ARSG: variants seen among roughly 807,000 people sequenced by gnomAD.
ARSG encodes ASG.
Under a neutral mutation model 50.5 loss-of-function variants are expected in ARSG, and 37 were observed. The ratio of observed to expected loss-of-function variants is 0.73; its 90% CI spans 0.56 to 0.96. ARSG has a LOEUF of 0.96. Ranked by LOEUF, ARSG falls within the 50% of genes least tolerant of loss-of-function variation. The pLI is 0.00. For missense variants in ARSG, 629 were observed against 675.3 expected, an observed-to-expected ratio of 0.93 and a Z score of 0.76; for synonymous variants, 225 against 254.6, an observed-to-expected ratio of 0.88 and a Z score of 1.11.
chr17:68,441,518 C>T, the ARSG span, among the ~76,000 whole-genome samples: 3 of 152,176 alleles, frequency 2.0e-5, no homozygotes, highest in African/African-American at 7.2e-5. Context: ...AGGATGAGAA[C>T]AGATAAGGCG....
At chr17:68,302,603 G>C (rs2076460341) in intron 1 of ARSG, among the ~76,000 whole-genome samples, 2 of 152,036 alleles carry the variant, frequency 1.3e-5, no homozygotes, top group Non-Finnish European at 2.9e-5. Context: ...TGGGTCATTT[G>C]GCTGTTTATC....
intron 6 of ARSG, 90 bp from the exon 7 acceptor site, chr17:68,368,458 G>A (rs1397315916): frequency 2.4e-6 from 3 of 1,247,572 alleles, no homozygotes; most frequent in Admixed American, 2.0e-5. Context: ...GAGCTTTGGG[G>A]ATTTTCCTGG....
the ARSG span, chr17:68,436,295 C>T: frequency 1.6e-5 from 20 of 1,250,058 alleles, no homozygotes; most frequent in Admixed American, 6.9e-5. Context: ...CTCCAGCCCC[C>T]GACGGCAGGG....
chr17:68,374,751 C>T (rs2080060107), intron 8 of ARSG, among the ~76,000 whole-genome samples: 1 of 150,660 alleles, frequency 6.6e-6, no homozygotes, highest in Non-Finnish European at 1.5e-5. Context: ...ACTCGGGAGG[C>T]TGAGGCAGGA....
At chr17:68,438,454 G>A in the ARSG span, among the ~76,000 whole-genome samples, 1 of 152,210 alleles carries the variant, frequency 6.6e-6, no homozygotes, top group Non-Finnish European at 1.5e-5. Context: ...CAGGAGATCT[G>A]GTTGTCTTGT....
At chr17:68,298,420 C>A (rs565416421) in intron 1 of ARSG, among the ~76,000 whole-genome samples, 1 of 151,732 alleles carries the variant, frequency 6.6e-6, no homozygotes, top group Admixed American at 6.6e-5. Flanking sequence ...TCTGGTGAAA[C>A]CCTGTCTCTA....
intron 2 of ARSG, among the ~76,000 whole-genome samples, chr17:68,312,525 T>C (rs1599673025): frequency 6.6e-6 from 1 of 152,070 alleles, no homozygotes; most frequent in African/African-American, 2.4e-5. Context: ...TTTTTTCTCA[T>C]GTGCTGTCTC....
intron 8 of ARSG, among the ~76,000 whole-genome samples, chr17:68,384,562 C>T (rs1363270386): frequency 2.0e-5 from 3 of 152,128 alleles, no homozygotes; most frequent in African/African-American, 4.8e-5. Context: ...CATGCCAGAT[C>T]GGTTCTTGGA....
At chr17:68,426,425 GTCTCAGTATGT>G (rs1423369677), downstream of ARSG, among the ~76,000 whole-genome samples, 22 of 152,178 alleles carry the variant, frequency 1.4e-4, no homozygotes, top group Admixed American at 4.6e-4. Context: ...TTGAGGTAGG[GTCTCAGTATGT>G]TGCCCAGGCT....
chr17:68,448,577 A>G, the ARSG span: 1 of 152,194 alleles, frequency 6.6e-6, no homozygotes, highest in East Asian at 1.9e-4. Flanking sequence ...ACACTCAAAT[A>G]GGCCTTCCTT....
chr17:68,370,409 GC>G, intron 7 of ARSG, 34 bp from the exon 8 acceptor site: 1 of 1,608,368 alleles, frequency 6.2e-7, no homozygotes, highest in Non-Finnish European at 8.5e-7. Context: ...TGTCCAACCA[GC>G]CTGGTGACCA....
At chr17:68,335,455 G>A (rs1170403041) in intron 2 of ARSG, among the ~76,000 whole-genome samples, 1 of 151,494 alleles carries the variant, frequency 6.6e-6, no homozygotes, top group Non-Finnish European at 1.5e-5. Context: ...TCGGGAGGCT[G>A]AGACAGGAGA....
Position 68,307,439 on chromosome 17 carries a change from A to T in ARSG, c.-55A>T. ...GAGCAGAAAGGAAGCTCTCAGAAAA[A>T]TCTCTAGTGGTGGCTGCCGTCGCTC... On this transcript the variant is annotated 5_prime_UTR_variant, in exon 2 of 12. Coordinates refer to ENST00000621439, the MANE Select transcript of ARSG (RefSeq NM_001267727.2). 2 of 1,412,398 alleles carry T rather than the reference A, an allele frequency of 1.4e-6. No homozygotes were observed. The highest frequency in any genetic ancestry group is 9.9e-7 in the Non-Finnish European group (1 of 1,011,534). The allele number at this position is 1,412,398 out of a possible 1,614,324, so 87.5% of individuals were successfully genotyped here.
At chr17:68,280,423 T>C (rs2075658282) in intron 1 of ARSG, among the ~76,000 whole-genome samples, 2 of 152,108 alleles carry the variant, frequency 1.3e-5, no homozygotes. Context: ...AACAGCATGG[T>C]ACTGGCATAA....
intron 10 of ARSG, among the ~76,000 whole-genome samples, chr17:68,397,998 C>G (rs1251926026): frequency 1.3e-5 from 2 of 152,166 alleles, no homozygotes; most frequent in African/African-American, 4.8e-5. Flanking sequence ...AACTCCTGAC[C>G]TCAGGAGATC....
chr17:68,387,071 A>G (rs1234416213), intron 9 of ARSG, among the ~76,000 whole-genome samples: 1 of 131,410 alleles, frequency 7.6e-6, no homozygotes, highest in Admixed American at 8.3e-5. Context: ...AACCTAATAT[A>G]TAGTGTATCA....
At chr17:68,338,203 T>G (rs1421737574) in intron 2 of ARSG, among the ~76,000 whole-genome samples, 1 of 152,206 alleles carries the variant, frequency 6.6e-6, no homozygotes, top group Non-Finnish European at 1.5e-5. Context: ...TGTGTGTGCA[T>G]GCATGTGTGT....
chr17:68,376,910 A>C (rs1290060261), intron 8 of ARSG, among the ~76,000 whole-genome samples: 1 of 150,094 alleles, frequency 6.7e-6, no homozygotes, highest in Non-Finnish European at 1.5e-5. Context: ...CCCAGGCTGG[A>C]GTGCAGAGGT....
intron 1 of ARSG, among the ~76,000 whole-genome samples, chr17:68,301,125 A>AC (rs1475436398): frequency 6.6e-6 from 1 of 152,042 alleles, no homozygotes; most frequent in African/African-American, 2.4e-5. Flanking sequence ...CTCAAAAAAA[A>AC]AAAAAAAGCA....
Sources: gnomAD v4.1 joint callset for allele counts (sites outside exome capture counted in the v4.1 genomes callset) on GRCh38, gnomAD v4.1.1 for gene constraint, MANE v1.5 for transcripts, NCBI Gene and HGNC (gene_info 2026-07-23, HGNC 2026-07-21) for gene names.